PLAT: variants seen among roughly 807,000 people sequenced by gnomAD.
PLAT encodes tissue-type plasminogen activator.
In PLAT, 48 loss-of-function variants were observed where a neutral mutation model predicts 74.9. The ratio of observed to expected loss-of-function variants is 0.64; its 90% confidence interval spans 0.51 to 0.82. The LOEUF (loss-of-function observed/expected upper bound fraction) is 0.82, where lower values mean the gene tolerates loss of function less well. PLAT is among the 40% of genes least tolerant of loss of function. PLAT has a pLI of 0.00. For synonymous variants in PLAT, 307 were observed against 294.4 expected (o/e 1.04, Z -0.44); for missense variants, 673 against 736.2 (o/e 0.91, Z 0.99).
rs114292489 is a variant in PLAT, at chr8:42,193,680, A to G, written c.-26-469T>C. 385 of 155,312 alleles carry G rather than the reference A, an allele frequency of 2.5e-3. 1 individual carries two copies. The highest frequency in any genetic ancestry group is 8.9e-3 in the African/African-American group (366 of 41,350). The allele number at this position is 155,312 out of a possible 1,614,324, so 9.6% of individuals were successfully genotyped here. ...TGCGACTGGTTTGTTTCACTTTGCA[A>G]ATGTCTTCAAGGTGCATCCATGCTG... On this transcript the variant is annotated intron_variant, in intron 1 of 13. Transcript: ENST00000220809.
At chr8:42,192,374 A>G (rs1013825638) in intron 2 of PLAT, among the ~76,000 whole-genome samples, 1 of 152,030 alleles carries the variant, frequency 6.6e-6, no homozygotes, top group Non-Finnish European at 1.5e-5. Context: ...TTCAACCAAA[A>G]CAGAAAAATA....
At chr8:42,194,473 C>A (rs971851667) in intron 1 of PLAT, among the ~76,000 whole-genome samples, 1 of 152,166 alleles carries the variant, frequency 6.6e-6, no homozygotes, top group Non-Finnish European at 1.5e-5. Context: ...ATTCGTCTGT[C>A]AATGCTGGGA....
intron 1 of PLAT, among the ~76,000 whole-genome samples, chr8:42,203,689 G>A (rs913010268): frequency 3.9e-5 from 6 of 152,190 alleles, no homozygotes; most frequent in Admixed American, 3.9e-4. Context: ...GAGGGACTGG[G>A]CACAGTGGCT....
chr8:42,181,172 C>T (rs1034922372), intron 9 of PLAT, among the ~76,000 whole-genome samples: 2 of 152,222 alleles, frequency 1.3e-5, no homozygotes, highest in African/African-American at 4.8e-5. Context: ...CACTAATGCC[C>T]TTGGGTGTGA....
At chr8:42,184,044 G>A (rs1421882565) in intron 7 of PLAT, among the ~76,000 whole-genome samples, 3 of 150,628 alleles carry the variant, frequency 2.0e-5, no homozygotes, top group Admixed American at 6.6e-5. Flanking sequence ...GGGCTCAAGC[G>A]ATCCTCCCAC....
rs572343119 is a variant in PLAT, at chr8:42,179,971, C to G, written c.1318G>C (p.Asp440His). 6.2e-6 allele frequency: 10 copies of G among 1,608,344 alleles called. No homozygotes were observed. In the South Asian group the frequency reaches 1.1e-4, roughly 18 times the overall value. The change falls in exon 12 of 14, where the codon GAC (aspartate) becomes CAC (histidine). Residue 440 changes from aspartate to histidine, a missense_variant. Physicochemically the swap from Asp to His is moderately conservative, Grantham distance 81 (BLOSUM62 -1). Transcript: ENST00000220809. The part of the protein sequence containing the change: ...CLPPADLQLP[D>H]WTECELSGYG... ...CCGGAGAGCTCACACTCCGTCCAGTCCGGCAGCTGCAGGTCCGCCGGGGGA... is the reference window on the plus strand; with the variant it reads ...CCGGAGAGCTCACACTCCGTCCAGTGCGGCAGCTGCAGGTCCGCCGGGGGA...
At chr8:42,203,329 TG>T (rs997111609) in intron 1 of PLAT, among the ~76,000 whole-genome samples, 23 of 152,308 alleles carry the variant, frequency 1.5e-4, no homozygotes, top group African/African-American at 5.1e-4. Flanking sequence ...GCACATCGGC[TG>T]GGCCTGTTAG....
intron 4 of PLAT, chr8:42,188,253 T>C (rs1805560651): frequency 2.2e-6 from 1 of 449,454 alleles, no homozygotes; most frequent in African/African-American, 2.0e-5. Flanking sequence ...TCCCCTGTAT[T>C]TTCAAAGCAG....
rs1239240921 is a variant in PLAT at position 42,187,896 on chromosome 8, A to G, written c.364+10T>C. The G allele has an allele frequency of 5.2e-6, 8 of 1,534,442 alleles. No individual in the cohort carries two copies. Among genetic ancestry groups the G allele is most frequent in the Non-Finnish European group, 3.6e-6 (4 of 1,107,594 alleles). On this transcript the variant is annotated intron_variant, in intron 5 of 13. Transcript: ENST00000220809. ...ATTTCAGCTCGTTTCACGTGCTCTC[A>G]CCTACTCACCTATTTCACAGCACTT...
chr8:42,191,634 G>A (rs1345688022), intron 2 of PLAT, among the ~76,000 whole-genome samples: 1 of 152,114 alleles, frequency 6.6e-6, no homozygotes, highest in African/African-American at 2.4e-5. Flanking sequence ...TCTGCTTGGT[G>A]GAAATGTTTT....
intron 6 of PLAT, chr8:42,185,417 C>T: frequency 3.2e-6 from 1 of 315,082 alleles, no homozygotes; most frequent in South Asian, 7.8e-5. Flanking sequence ...GTGCCTGCCA[C>T]CATGCCTGGC....
chr8:42,190,553 G>A (rs998322086), intron 3 of PLAT, among the ~76,000 whole-genome samples: 1 of 152,192 alleles, frequency 6.6e-6, no homozygotes, highest in African/African-American at 2.4e-5. Flanking sequence ...CTGCTTCTGA[G>A]GTCACTGAGG....
chr8:42,191,286 AGGCAGGT>A, intron 3 of PLAT, 79 bp downstream of exon 3: 1 of 1,047,384 alleles, frequency 9.5e-7, no homozygotes, highest in South Asian at 1.3e-5. Context: ...GGGTGGAAGA[AGGCAGGT>A]GGTGGGTGGG....
At chr8:42,179,878 C>A in intron 12 of PLAT, 48 bp downstream of exon 12, 1 of 1,499,642 alleles carries the variant, frequency 6.7e-7, no homozygotes, top group Non-Finnish European at 8.9e-7. Flanking sequence ...CCGCAGCCTC[C>A]CCTGCTGTCC....
intron 1 of PLAT, among the ~76,000 whole-genome samples, chr8:42,198,680 C>G (rs759953549): frequency 1.1e-4 from 17 of 152,174 alleles, no homozygotes; most frequent in Admixed American, 3.3e-4. Flanking sequence ...GAAAGACAAA[C>G]GTAAATTGAT....
chr8:42,182,251 TAGA>T lies in PLAT; in HGVS notation c.804-232_804-230del, dbSNP rs1237299928. ...AGCCACATCACAGGCCATGTAAGAG[TAGA>T]AGGAGACTCAGTCAACCAATGAAAA... is the stretch of plus-strand genomic sequence containing the variant. On this transcript the variant is annotated intron_variant, in intron 8 of 13. Coordinates refer to ENST00000220809, the MANE Select transcript of PLAT (RefSeq NM_000930.5). 20 of 436,046 alleles carry T rather than the reference TAGA, an allele frequency of 4.6e-5. No homozygotes were observed. The East Asian group carries it at 5.8e-4, about 13-fold the overall frequency. The allele number at this position is 436,046 out of a possible 1,614,324, so 27.0% of individuals were successfully genotyped here.
chr8:42,190,568 G>A (rs1563259458), intron 3 of PLAT, among the ~76,000 whole-genome samples: 1 of 152,182 alleles, frequency 6.6e-6, no homozygotes. Flanking sequence ...CTGAGGCCAG[G>A]ATAACCTGGT....
In PLAT at chr8:42,190,198, T is replaced by C. The variant is rs565171400; in HGVS notation, c.116-1127A>G. Among the ~76,000 whole-genome samples the C allele has an allele frequency of 2.0e-5, 3 of 152,292 alleles. No individual in the cohort carries two copies. In the South Asian group the frequency reaches 6.2e-4, roughly 32 times the overall value. On this transcript the variant is annotated intron_variant, in intron 3 of 13. Transcript: ENST00000220809. ...ATCCTCCTGGATCCGCCTCCTAAAG[T>C]GCTGGAGTTACAGATGTGAGCCATT...
At chr8:42,197,322 G>C (rs1022540706) in intron 1 of PLAT, among the ~76,000 whole-genome samples, 1 of 152,218 alleles carries the variant, frequency 6.6e-6, no homozygotes, top group Non-Finnish European at 1.5e-5. Context: ...CTGCCTGGAA[G>C]CCGTGTTTGG....
Sources: allele counts gnomAD v4.1 joint callset (sites outside exome capture counted in the v4.1 genomes callset), GRCh38; gene constraint gnomAD v4.1.1; transcripts MANE v1.5; gene names NCBI Gene and HGNC (gene_info 2026-07-23, HGNC 2026-07-21).